Variants in ASH1L observed in about 807,000 individuals in gnomAD.
The protein encoded by ASH1L is ASH1 like histone lysine methyltransferase, also known as histone-lysine N-methyltransferase ASH1L.
ASH1L carries 23 observed loss-of-function variants against 269.0 expected under a neutral mutation model. That is an observed-to-expected ratio of 0.09 (90% CI 0.06 to 0.12). ASH1L has a LOEUF of 0.12. Among genes scored for constraint, ASH1L ranks in the 10% least tolerant of loss-of-function variants. The pLI is 1.00. For missense variants in ASH1L, 2,912 were observed against 3,567.8 expected (o/e 0.82, Z 4.68); for synonymous variants, 1,187 against 1,253.5 (o/e 0.95, Z 1.12).
intron 4 of ASH1L, among the ~76,000 whole-genome samples, chr1:155,451,747 A>C (rs1363695028): frequency 2.0e-5 from 3 of 151,340 alleles, no homozygotes; most frequent in Admixed American, 6.6e-5. Context: ...AGAAATGGGG[A>C]GTCTAGCTCC....
In ASH1L at chr1:155,411,594, T is replaced by A. The variant is rs796155350; in HGVS notation, c.6008+4150A>T. Among the ~76,000 whole-genome samples the A allele has an allele frequency of 7.0e-3, 236 of 33,496 alleles. 2 individuals carry two copies. Among genetic ancestry groups the A allele is most frequent in the East Asian group, 0.07 (107 of 1,530 alleles). The allele number at this position is 33,496 out of a possible 152,430, so 22.0% of individuals were successfully genotyped here. On this transcript the variant is annotated intron_variant, in intron 6 of 27. Transcript: ENST00000392403. ...ATATAAATAAATAAATAAATATATA[T>A]ATATATATATATATATATATATATG...
chr1:155,531,439 C>T (rs1669670970), intron 1 of ASH1L, among the ~76,000 whole-genome samples: 1 of 151,912 alleles, frequency 6.6e-6, no homozygotes, highest in South Asian at 2.1e-4. Context: ...TCACTGCAAC[C>T]TCCGCCTCCC....
In ASH1L at chr1:155,562,681, C is replaced by A. The variant is rs1469108436; in HGVS notation, c.-628G>T. 1.8e-5 allele frequency: 28 copies of A among 1,519,692 alleles called. No homozygotes were observed. The highest frequency in any genetic ancestry group is 2.2e-5 in the Non-Finnish European group (25 of 1,135,498). The allele number at this position is 1,519,692 out of a possible 1,614,324, so 94.1% of individuals were successfully genotyped here. A position where few individuals can be genotyped will look rare whatever the true frequency, so the allele number is the denominator to read the frequency against. On this transcript the variant is annotated 5_prime_UTR_variant, in exon 1 of 28. Transcript: ENST00000392403. The stretch of plus-strand genomic sequence containing the variant: ...ACCTTCGGCCGCCCCGCGCGCCAGC[C>A]AGCCCGTACGCGCTCACCCACAGGA...
chr1:155,486,771 A>G (rs1227447384), intron 2 of ASH1L, among the ~76,000 whole-genome samples: 1 of 152,178 alleles, frequency 6.6e-6, no homozygotes, highest in Non-Finnish European at 1.5e-5. Context: ...AAACATATTT[A>G]TGCCTGAAAA....
intron 3 of ASH1L, among the ~76,000 whole-genome samples, chr1:155,470,006 C>T (rs1664978199): frequency 6.6e-6 from 1 of 152,196 alleles, no homozygotes; most frequent in Non-Finnish European, 1.5e-5. Context: ...CACAGTAACA[C>T]ATCCCCATGC....
chr1:155,478,465 C>T lies in ASH1L; in HGVS notation c.4405G>A (p.Val1469Ile), dbSNP rs775146432. 1 of 1,614,104 alleles carries T rather than the reference C, an allele frequency of 6.2e-7. No homozygotes were observed. Among genetic ancestry groups the T allele is most frequent in the Non-Finnish European group, 8.5e-7 (1 of 1,180,018 alleles). Residue 1469 changes from valine (V) to isoleucine (I), a missense_variant, in exon 3 of 28, where the codon GTT (valine) becomes ATT (isoleucine). Physicochemically the swap from Val to Ile is conservative, Grantham distance 29. Coordinates refer to ENST00000392403, the MANE Select transcript of ASH1L (RefSeq NM_018489.3). This position sits in a 1 kb window ranked among gnomAD's most constrained non-coding sequence, Gnocchi z 4.6. Reference protein sequence around the residue: ...PLLSMSTYPSVPPEMAYGWMV... With the variant: ...PLLSMSTYPSIPPEMAYGWMV... ...CAACCATAGGCCATCTCAGGAGGAA[C>T]ACTGGGGTAGGTACTCATGGAAAGG...
intron 4 of ASH1L, chr1:155,440,670 A>T (rs532545723): frequency 4.8e-6 from 1 of 206,276 alleles, no homozygotes. Context: ...AAAACTTTCT[A>T]GCCTGAGCTT....
intron 2 of ASH1L, among the ~76,000 whole-genome samples, chr1:155,486,146 G>A (rs1186473339): frequency 1.3e-5 from 2 of 152,138 alleles, no homozygotes; most frequent in East Asian, 3.9e-4. Context: ...ACTTCTTTCT[G>A]GTCATTTTCT....
chr1:155,354,770 T>C (rs1654225112), intron 15 of ASH1L, 140 bp from the exon 16 acceptor site: 1 of 724,334 alleles, frequency 1.4e-6, no homozygotes, highest in East Asian at 2.9e-5. Flanking sequence ...AAAGCATTAC[T>C]CAATTTTGTA....
At chr1:155,498,644 T>A (rs1056849535) in intron 2 of ASH1L, among the ~76,000 whole-genome samples, 5 of 152,106 alleles carry the variant, frequency 3.3e-5, no homozygotes, top group Non-Finnish European at 7.4e-5. Context: ...TTTCTCCATG[T>A]TGGTCAGGCT....
chr1:155,416,023 A>G, intron 5 of ASH1L, 100 bp from the exon 6 acceptor site: 1 of 966,012 alleles, frequency 1.0e-6, no homozygotes, highest in Non-Finnish European at 1.5e-6. Flanking sequence ...TTAAAAAAAG[A>G]GATATGGGGA....
At chr1:155,465,289 C>CAAAAAAAAAAAAAAG (rs1664588570) in intron 3 of ASH1L, among the ~76,000 whole-genome samples, 1 of 62,576 alleles carries the variant, frequency 1.6e-5, no homozygotes, top group Admixed American at 1.8e-4. Flanking sequence ...TACAAATTAG[C>CAAAAAAAAAAAAAAG]AAAAAAAAAA....
At chr1:155,562,039 A>G (rs942186563) in intron 1 of ASH1L, 114 bp downstream of exon 1, 7 of 755,136 alleles carry the variant, frequency 9.3e-6, no homozygotes, top group African/African-American at 1.8e-5. Context: ...CATCTTCACC[A>G]CTGCTCTCTC....
chr1:155,491,973 C>A (rs1558162759), intron 2 of ASH1L, among the ~76,000 whole-genome samples: 1 of 144,920 alleles, frequency 6.9e-6, no homozygotes, highest in Non-Finnish European at 1.5e-5. Flanking sequence ...GTACCCAGCT[C>A]TCTTTTTTTC....
At chr1:155,487,059 G>C (rs1558158174) in intron 2 of ASH1L, among the ~76,000 whole-genome samples, 5 of 152,128 alleles carry the variant, frequency 3.3e-5, no homozygotes, top group African/African-American at 4.8e-5. Flanking sequence ...CAGCTACTCG[G>C]AAGGCTGAGG....
intron 4 of ASH1L, among the ~76,000 whole-genome samples, chr1:155,448,869 T>C (rs978662584): frequency 6.6e-6 from 1 of 152,170 alleles, no homozygotes; most frequent in Non-Finnish European, 1.5e-5. Context: ...CTGACTTAGA[T>C]AGATCTTTGG....
intron 12 of ASH1L, among the ~76,000 whole-genome samples, chr1:155,367,972 T>G (rs1655588151): frequency 6.6e-6 from 1 of 152,180 alleles, no homozygotes; most frequent in South Asian, 2.1e-4. Flanking sequence ...AGCAAAGAGT[T>G]TATAAGTGGT....
At chr1:155,490,861 G>C (rs1019104381) in intron 2 of ASH1L, among the ~76,000 whole-genome samples, 1 of 151,464 alleles carries the variant, frequency 6.6e-6, no homozygotes, top group African/African-American at 2.4e-5. Context: ...TACATGGGAG[G>C]CTGAAGTGGA....
chr1:155,370,908 A>G lies in ASH1L; in HGVS notation c.6408T>C (p.His2136=). 4.3e-6 allele frequency: 7 copies of G among 1,614,092 alleles called. No homozygotes were observed. Among genetic ancestry groups the G allele is most frequent in the Non-Finnish European group, 5.9e-6 (7 of 1,180,018 alleles). Residue 2136 remains histidine (H), a synonymous_variant, in exon 11 of 28, where the codon CAT becomes CAC. Transcript: ENST00000392403. ...ATCGTTCTAGACATTGCACCCATTC[A>G]TGCCTCTGTATCCTCTGGTTACAGC... ...EQCCNQRIQR[H]EWVQCLERFR...
Sources: gnomAD v4.1 joint callset for allele counts (sites outside exome capture counted in the v4.1 genomes callset) on GRCh38, gnomAD v4.1.1 for gene constraint, Gnocchi (gnomAD v3.1) non-coding constraint, MANE v1.5 for transcripts, NCBI Gene and HGNC (gene_info 2026-07-23, HGNC 2026-07-21) for gene names.